SPATA17: variants seen among roughly 807,000 people sequenced by gnomAD.
The protein encoded by SPATA17 is spermatogenesis-associated protein 17.
SPATA17 carries 53 observed loss-of-function variants against 62.2 expected under a neutral mutation model. The observed-to-expected ratio is 0.85, with a 90% CI of 0.68 to 1.07. The LOEUF (loss-of-function observed/expected upper bound fraction) is 1.07. SPATA17 is among the 50% of genes least tolerant of loss of function. SPATA17 has a pLI of 0.00. For synonymous variants in SPATA17, 146 were observed against 146.8 expected (o/e 0.99, Z 0.04); for missense variants, 466 against 425.5 (o/e 1.10, Z -0.84).
At chr1:217,763,468 A>G (rs1025669168) in intron 6 of SPATA17, among the ~76,000 whole-genome samples, 1 of 152,184 alleles carries the variant, frequency 6.6e-6, no homozygotes, top group Admixed American at 6.6e-5. Flanking sequence ...ATGGAAAAAA[A>G]TGTGGCTGCT....
intron 6 of SPATA17, among the ~76,000 whole-genome samples, chr1:217,764,134 G>A (rs955119035): frequency 6.6e-6 from 1 of 152,078 alleles, no homozygotes; most frequent in Non-Finnish European, 1.5e-5. Context: ...CATTCCTGAT[G>A]CTGTATGTTC....
At chr1:217,826,960 C>T (rs1387573340) in intron 9 of SPATA17, among the ~76,000 whole-genome samples, 8 of 152,004 alleles carry the variant, frequency 5.3e-5, no homozygotes, top group African/African-American at 1.7e-4. Flanking sequence ...AAACAGCATA[C>T]GCTTTAGCTT....
chr1:217,752,325 G>A (rs1220437604), intron 6 of SPATA17, among the ~76,000 whole-genome samples: 1 of 152,052 alleles, frequency 6.6e-6, no homozygotes, highest in African/African-American at 2.4e-5. Flanking sequence ...ACCACACCTG[G>A]CAATATTTTT....
chr1:217,749,985 CTATATATATATA>C (rs57489651), intron 6 of SPATA17, among the ~76,000 whole-genome samples: 1 of 12,314 alleles, frequency 8.1e-5, no homozygotes, highest in Non-Finnish European at 1.6e-4. Context: ...CTCTCTCTCT[CTATATATATATA>C]TATATATATA....
chr1:217,748,314 A>C (rs1465293315), intron 6 of SPATA17, among the ~76,000 whole-genome samples: 33 of 151,756 alleles, frequency 2.2e-4, no homozygotes, highest in Admixed American at 2.2e-3. Context: ...AAAAAAAAAA[A>C]AAAAATTAAC....
chr1:217,841,889 TTATAAACTCACAAAA>T (rs1367020191), intron 9 of SPATA17, among the ~76,000 whole-genome samples: 3 of 151,248 alleles, frequency 2.0e-5, no homozygotes, highest in African/African-American at 7.3e-5. Context: ...AATATGTATA[TTATAAACTCACAAAA>T]GTTTTATTTC....
chr1:217,665,180 T>G (rs1212322440), intron 3 of SPATA17: 1 of 152,156 alleles, frequency 6.6e-6, no homozygotes, highest in East Asian at 1.9e-4. Flanking sequence ...AACCTAAATA[T>G]GGGATATACT....
At chr1:217,814,750 A>G (rs1258585847) in intron 9 of SPATA17, among the ~76,000 whole-genome samples, 2 of 152,104 alleles carry the variant, frequency 1.3e-5, no homozygotes, top group African/African-American at 4.8e-5. Context: ...TGAGAGGCTG[A>G]TGTGGGAGGA....
chr1:217,778,731 C>T (rs900838564), intron 7 of SPATA17, among the ~76,000 whole-genome samples: 1 of 152,164 alleles, frequency 6.6e-6, no homozygotes, highest in Non-Finnish European at 1.5e-5. Context: ...ATACAATATT[C>T]ACAACATTAA....
intron 8 of SPATA17, among the ~76,000 whole-genome samples, chr1:217,791,289 C>T (rs1317071758): frequency 6.6e-6 from 1 of 152,168 alleles, no homozygotes; most frequent in Non-Finnish European, 1.5e-5. Flanking sequence ...TCCAGTATTC[C>T]TCTGCCTCTC....
chr1:217,763,760 AAGATGTAT>A (rs1416981234), intron 6 of SPATA17, among the ~76,000 whole-genome samples: 5 of 152,188 alleles, frequency 3.3e-5, no homozygotes, highest in Non-Finnish European at 5.9e-5. Flanking sequence ...CTATGGATTC[AAGATGTAT>A]TTTGGAGCTA....
chr1:217,641,649 G>C (rs1267707161), intron 1 of SPATA17, among the ~76,000 whole-genome samples: 1 of 151,982 alleles, frequency 6.6e-6, no homozygotes, highest in Non-Finnish European at 1.5e-5. Context: ...TTAAGTTATT[G>C]AAACAATCTC....
chr1:217,800,964 T>A (rs891550392), intron 8 of SPATA17, among the ~76,000 whole-genome samples: 2 of 152,212 alleles, frequency 1.3e-5, no homozygotes, highest in African/African-American at 2.4e-5. Flanking sequence ...AAAAGTTTGG[T>A]CTTTTCTGTT....
At chr1:217,659,624 G>T (rs1160963860) in intron 3 of SPATA17, among the ~76,000 whole-genome samples, 11 of 152,016 alleles carry the variant, frequency 7.2e-5, no homozygotes. Context: ...CTCAGCTCCT[G>T]ATCCATATAT....
At chr1:217,737,940 T>G (rs2102945521) in intron 5 of SPATA17, 1 of 152,636 alleles carries the variant, frequency 6.6e-6, no homozygotes, top group Middle Eastern at 3.3e-3. Context: ...TTCTCCTGCC[T>G]GAGCCTCCTG....
chr1:217,745,576 C>G (rs1458935581), intron 6 of SPATA17, among the ~76,000 whole-genome samples: 1 of 152,070 alleles, frequency 6.6e-6, no homozygotes, highest in East Asian at 1.9e-4. Flanking sequence ...CTGTCTCCAT[C>G]TAAACAAAAG....
intron 5 of SPATA17, among the ~76,000 whole-genome samples, chr1:217,714,910 G>T (rs1671967530): frequency 6.6e-6 from 1 of 152,128 alleles, no homozygotes; most frequent in South Asian, 2.1e-4. Flanking sequence ...GGAATTAGAG[G>T]ATTTCTAGTA....
At chr1:217,755,855 TA>T (rs1467700076) in intron 6 of SPATA17, among the ~76,000 whole-genome samples, 3 of 152,116 alleles carry the variant, frequency 2.0e-5, no homozygotes, top group Non-Finnish European at 4.4e-5. Flanking sequence ...TTATTTTACC[TA>T]TTTTTTTGTT....
At position 217,740,133 on chromosome 1, in the gene SPATA17, G is replaced by A. The variant is rs1023523327; in HGVS notation, c.396-1842G>A. 1.5e-4 allele frequency among the ~76,000 whole-genome samples: 18 copies of A among 119,002 alleles called. No individual in the cohort carries two copies. The East Asian group carries it at 2.5e-3, about 17-fold the overall frequency. The allele number at this position is 119,002 out of a possible 152,430, so 78.1% of individuals were successfully genotyped here. ...CTATGTACATCTTTGTACCTTACCC[G>A]TTCATATATGTTTTCAATTATATTA... On this transcript the variant is annotated intron_variant, in intron 5 of 10. Coordinates refer to ENST00000366933, the MANE Select transcript of SPATA17 (RefSeq NM_138796.4).
Sources: allele counts gnomAD v4.1 joint callset (sites outside exome capture counted in the v4.1 genomes callset), GRCh38; gene constraint gnomAD v4.1.1; transcripts MANE v1.5; gene names NCBI Gene and HGNC (gene_info 2026-07-23, HGNC 2026-07-21).